TMEM132D: variants seen among roughly 807,000 people sequenced by gnomAD.
TMEM132D encodes the protein mature OL transmembrane protein.
A neutral mutation model predicts 62.3 loss-of-function variants in TMEM132D; 21 were observed. The observed-to-expected ratio is 0.34, with a 90% CI of 0.24 to 0.49. TMEM132D has a LOEUF of 0.49. Among genes scored for constraint, TMEM132D ranks in the 20% least tolerant of loss-of-function variants. The pLI is 0.99. For synonymous variants in TMEM132D, 621 were observed against 575.6 expected (o/e 1.08, Z -1.13); for missense variants, 1,346 against 1,402.8 (o/e 0.96, Z 0.65).
At chr12:129,216,900 C>T (rs991986828) in intron 4 of TMEM132D, among the ~76,000 whole-genome samples, 19 of 152,260 alleles carry the variant, frequency 1.2e-4, no homozygotes, top group Admixed American at 8.5e-4. Context: ...GAAAGGGGAC[C>T]GCCTCATGAT....
intron 2 of TMEM132D, among the ~76,000 whole-genome samples, chr12:129,693,697 C>T (rs1459725414): frequency 1.3e-5 from 2 of 152,158 alleles, no homozygotes; most frequent in African/African-American, 4.8e-5. Context: ...GAGCAGAGCA[C>T]TCTTCAGTAG....
intron 1 of TMEM132D, among the ~76,000 whole-genome samples, chr12:129,896,191 C>T: frequency 6.6e-6 from 1 of 151,920 alleles, no homozygotes; most frequent in African/African-American, 2.4e-5. Flanking sequence ...TGCTTTGTTG[C>T]CCAGGCTGGT....
intron 3 of TMEM132D, among the ~76,000 whole-genome samples, chr12:129,347,071 T>A (rs890483393): frequency 6.6e-6 from 1 of 152,092 alleles, no homozygotes; most frequent in African/African-American, 2.4e-5. Flanking sequence ...CACAAACAAA[T>A]GGAAAAACAT....
intron 4 of TMEM132D, among the ~76,000 whole-genome samples, chr12:129,311,022 C>T (rs1881960667): frequency 1.0e-5 from 1 of 96,064 alleles, no homozygotes; most frequent in Non-Finnish European, 1.9e-5. Context: ...CACGGTGAAA[C>T]CCCGTCTCTA....
chr12:129,455,753 A>G (rs7485201), intron 3 of TMEM132D, among the ~76,000 whole-genome samples: 33,937 of 152,194 alleles, frequency 0.22, 3,915 homozygotes, highest in East Asian at 0.34. Flanking sequence ...CTTAGAAAGC[A>G]TAAAAGAGCA....
chr12:129,477,725 G>T (rs894547272), intron 3 of TMEM132D, among the ~76,000 whole-genome samples: 9 of 152,118 alleles, frequency 5.9e-5, no homozygotes, highest in Non-Finnish European at 1.3e-4. Flanking sequence ...GGAGGCTGAG[G>T]CAGGAGAATG....
chr12:129,891,227 C>T (rs953986099), intron 1 of TMEM132D, among the ~76,000 whole-genome samples: 2 of 152,166 alleles, frequency 1.3e-5, no homozygotes, highest in South Asian at 4.1e-4. Flanking sequence ...AGAAAGCACA[C>T]CTGGAAGAAA....
At chr12:129,469,519 A>C (rs963524941) in intron 3 of TMEM132D, among the ~76,000 whole-genome samples, 5 of 152,190 alleles carry the variant, frequency 3.3e-5, no homozygotes, top group African/African-American at 1.2e-4. Context: ...GTAACTGAGA[A>C]TTTTAAAATT....
chr12:129,195,439 G>A (rs1051596238), intron 5 of TMEM132D, among the ~76,000 whole-genome samples: 2 of 152,066 alleles, frequency 1.3e-5, no homozygotes, highest in Non-Finnish European at 2.9e-5. Flanking sequence ...GATTTTGAGT[G>A]GAGAAATAAT....
intron 5 of TMEM132D, among the ~76,000 whole-genome samples, chr12:129,162,372 G>A (rs565999543): frequency 1.3e-4 from 20 of 152,274 alleles, no homozygotes; most frequent in African/African-American, 4.3e-4. Flanking sequence ...CTCCAAAACC[G>A]TGAGAAAATA....
intron 1 of TMEM132D, among the ~76,000 whole-genome samples, chr12:129,892,007 A>G (rs1874938797): frequency 6.6e-6 from 1 of 152,220 alleles, no homozygotes; most frequent in African/African-American, 2.4e-5. Context: ...CAAAAAATAA[A>G]TGCAATGGGA....
At chr12:129,712,977 GA>G (rs951272537) in intron 1 of TMEM132D, among the ~76,000 whole-genome samples, 2 of 152,092 alleles carry the variant, frequency 1.3e-5, no homozygotes. Flanking sequence ...GTGAGAGAAG[GA>G]ATTTCTACTC....
intron 1 of TMEM132D, among the ~76,000 whole-genome samples, chr12:129,709,016 C>T (rs938316547): frequency 2.0e-5 from 3 of 152,144 alleles, no homozygotes; most frequent in Admixed American, 6.5e-5. Flanking sequence ...GGACATCAGG[C>T]GCTATTACAC....
intron 6 of TMEM132D, 92 bp from the exon 7 acceptor site, chr12:129,082,124 G>A (rs2135617176): frequency 6.8e-7 from 1 of 1,473,992 alleles, no homozygotes; most frequent in African/African-American, 1.4e-5. Context: ...GCAGAGGTAG[G>A]TAGGCCATGA....
At chr12:129,435,151 C>A (rs1271543689) in intron 3 of TMEM132D, among the ~76,000 whole-genome samples, 1 of 152,042 alleles carries the variant, frequency 6.6e-6, no homozygotes, top group Non-Finnish European at 1.5e-5. Context: ...GGATTTTATT[C>A]TTTTTTAATG....
At chr12:129,605,589 A>G (rs7965650) in intron 2 of TMEM132D, among the ~76,000 whole-genome samples, 83 of 58,712 alleles carry the variant, frequency 1.4e-3, no homozygotes, top group African/African-American at 4.6e-3. Flanking sequence ...ATTAGGCATT[A>G]TATATATATA....
intron 2 of TMEM132D, among the ~76,000 whole-genome samples, chr12:129,575,412 G>GGT (rs1877633485): frequency 6.6e-6 from 1 of 151,772 alleles, no homozygotes. Context: ...CTTGCATGCT[G>GGT]GTGTTAGACA....
intron 3 of TMEM132D, among the ~76,000 whole-genome samples, chr12:129,505,494 C>T (rs907811699): frequency 2.6e-5 from 4 of 152,116 alleles, no homozygotes; most frequent in Non-Finnish European, 2.9e-5. Flanking sequence ...CCGCCCACCT[C>T]GGCCTCCCAC....
chr12:129,129,867 TC>T (rs2135524411), intron 5 of TMEM132D, among the ~76,000 whole-genome samples: 1 of 152,194 alleles, frequency 6.6e-6, no homozygotes, highest in Admixed American at 6.5e-5. Context: ...CAGGATCAGG[TC>T]CCTGTTCCCT....
Sources: gnomAD v4.1 joint callset for allele counts (sites outside exome capture counted in the v4.1 genomes callset) on GRCh38, gnomAD v4.1.1 for gene constraint, MANE v1.5 for transcripts, NCBI Gene and HGNC (gene_info 2026-07-23, HGNC 2026-07-21) for gene names.